Variants in SRSF1 observed in about 807,000 individuals in gnomAD.
SRSF1 encodes the protein serine and arginine rich splicing factor 1.
SRSF1 carries 1 observed loss-of-function variant against 25.9 expected under a neutral mutation model. The ratio of observed to expected loss-of-function variants is 0.04; its 90% CI spans 0.01 to 0.18. The LOEUF (loss-of-function observed/expected upper bound fraction) is 0.18. Among genes scored for constraint, SRSF1 ranks in the 10% least tolerant of loss-of-function variants. SRSF1 has a pLI of 1.00. For synonymous variants in SRSF1, 132 were observed against 126.2 expected (o/e 1.05, Z -0.31); for missense variants, 65 against 350.5 (o/e 0.19, Z 6.50).
the SRSF1 span, among the ~76,000 whole-genome samples, chr17:57,995,734 GA>G: frequency 6.6e-6 from 1 of 151,798 alleles, no homozygotes; most frequent in African/African-American, 2.4e-5. Context: ...AGTAAAACAA[GA>G]ATTTCTCACC....
the SRSF1 span, chr17:57,989,605 C>G: frequency 2.5e-6 from 1 of 398,520 alleles, no homozygotes. Context: ...TTTCCATCCA[C>G]TAGACAAGAA....
chr17:57,995,402 G>C, the SRSF1 span, among the ~76,000 whole-genome samples: 1 of 152,152 alleles, frequency 6.6e-6, no homozygotes, highest in Non-Finnish European at 1.5e-5. Context: ...TCCTCCTGTG[G>C]GGCCAGCCTC....
At chr17:58,006,261 AATT>A in intron 2 of SRSF1, 79 bp downstream of exon 2, 1 of 1,488,510 alleles carries the variant, frequency 6.7e-7, no homozygotes, top group South Asian at 1.3e-5. Context: ...AAAAATTTGC[AATT>A]ATTAAACCTG....
At chr17:58,006,125 A>T in intron 2 of SRSF1, 152 bp from the exon 3 acceptor site, 1 of 972,034 alleles carries the variant, frequency 1.0e-6, no homozygotes, top group Non-Finnish European at 1.5e-6. Flanking sequence ...TCTGGAATCC[A>T]GAGTCCAAAA....
chr17:58,006,637 C>T (rs1339436078), intron 1 of SRSF1, 110 bp from the exon 2 acceptor site: 36 of 1,281,528 alleles, frequency 2.8e-5, no homozygotes, highest in Non-Finnish European at 3.7e-5. Flanking sequence ...GAAGAGCCCA[C>T]ATGCGCCGCA....
At position 58,004,295 on chromosome 17, in the gene SRSF1, T is replaced by C. The variant is rs1299212024; in HGVS notation, c.*1111A>G. 6.6e-6 allele frequency: 1 copy of C among 152,662 alleles called. No individual in the cohort carries two copies. Among genetic ancestry groups the C allele is most frequent in the African/African-American group, 2.4e-5 (1 of 41,460 alleles). The allele number at this position is 152,662 out of a possible 1,614,324, so 9.5% of individuals were successfully genotyped here. On this transcript the variant is annotated 3_prime_UTR_variant, in exon 4 of 4. Coordinates refer to ENST00000258962, the MANE Select transcript of SRSF1 (RefSeq NM_006924.5). ...CGTGGTTGCAAGAAGTTACGTAATTTAAGTTTACTGGCATTGCTACCCACC... is the reference window on the plus strand; with the variant it reads ...CGTGGTTGCAAGAAGTTACGTAATTCAAGTTTACTGGCATTGCTACCCACC...
the SRSF1 span, chr17:57,994,205 T>G: frequency 3.3e-5 from 5 of 152,254 alleles, no homozygotes; most frequent in African/African-American, 1.2e-4. Context: ...TGATAACTTT[T>G]ACTACTACAG....
At chr17:57,998,710 T>C (rs959107510), downstream of SRSF1, among the ~76,000 whole-genome samples, 1 of 152,228 alleles carries the variant, frequency 6.6e-6, no homozygotes, top group Non-Finnish European at 1.5e-5. Context: ...TTCTGTAGCT[T>C]TCCTTGCTAC....
At chr17:57,994,986 T>G in the SRSF1 span, 1 of 152,218 alleles carries the variant, frequency 6.6e-6, no homozygotes, top group South Asian at 2.1e-4. Context: ...TACAGACATT[T>G]GTACAAAGTG....
At position 58,007,078 on chromosome 17, in the gene SRSF1, C is replaced by T. The variant is rs542955307; in HGVS notation, c.60G>A (p.Val20=). 2 of 1,614,210 alleles carry T rather than the reference C, an allele frequency of 1.2e-6. No homozygotes were observed. The highest frequency in any genetic ancestry group is 1.1e-5 in the South Asian group (1 of 91,088). ...PAGNNDCRIY[V]GNLPPDIRTK... Reference sequence around the variant, plus strand: ...TTCGGATGTCTGGAGGTAAGTTACCCACGTAGATGCGGCAATCGTTGTTCC... The same window carrying T: ...TTCGGATGTCTGGAGGTAAGTTACCTACGTAGATGCGGCAATCGTTGTTCC... Residue 20 remains valine, a synonymous_variant, in exon 1 of 4, where the codon GTG becomes GTA. Coordinates refer to ENST00000258962, the MANE Select transcript of SRSF1 (RefSeq NM_006924.5).
At chr17:57,995,805 A>G in the SRSF1 span, among the ~76,000 whole-genome samples, 2 of 152,230 alleles carry the variant, frequency 1.3e-5, no homozygotes. Context: ...CTATTTCTTC[A>G]AACTGCAAAA....
At chr17:58,006,678 A>C in intron 1 of SRSF1, 151 bp from the exon 2 acceptor site, 4 of 997,568 alleles carry the variant, frequency 4.0e-6, no homozygotes, top group Non-Finnish European at 5.7e-6. Context: ...CCACCCAGAA[A>C]CACGCCAGGC....
the SRSF1 span, chr17:57,990,567 A>AT: frequency 6.6e-6 from 1 of 152,192 alleles, no homozygotes; most frequent in Non-Finnish European, 1.5e-5. Flanking sequence ...AGAAGGGGCT[A>AT]TTTCTACTTT....
Position 58,002,690 on chromosome 17 carries a change from C to G in SRSF1, c.*2716G>C, listed in dbSNP as rs1238584815. Among the ~76,000 whole-genome samples the G allele has an allele frequency of 6.6e-6, 1 of 152,158 alleles. No individual in the cohort carries two copies. The highest frequency in any genetic ancestry group is 2.4e-5 in the African/African-American group (1 of 41,438). Reference sequence around the variant, plus strand: ...AGCAGTTAATCTTGTGCACTCTTCCCTTTCAAAAAAGAAATGAGACTTGGG... The same window carrying G: ...AGCAGTTAATCTTGTGCACTCTTCCGTTTCAAAAAAGAAATGAGACTTGGG... On this transcript the variant is annotated 3_prime_UTR_variant, in exon 4 of 4. Transcript: ENST00000258962.
Position 58,001,128 on chromosome 17 carries a change from A to G in SRSF1, c.*4278T>C, listed in dbSNP as rs904356285. Among the ~76,000 whole-genome samples the G allele has an allele frequency of 2.0e-5, 3 of 152,218 alleles. No individual in the cohort carries two copies. Among genetic ancestry groups the G allele is most frequent in the African/African-American group, 4.8e-5 (2 of 41,464 alleles). On this transcript the variant is annotated 3_prime_UTR_variant, in exon 4 of 4. Transcript: ENST00000258962. ...TACTATTTATGGTAAATACATATAT[A>G]TAACTTACTTGCAATTTAAATTACA... is the stretch of plus-strand genomic sequence containing the variant.
downstream of SRSF1, among the ~76,000 whole-genome samples, chr17:58,000,682 C>A (rs2075383556): frequency 6.6e-6 from 1 of 152,086 alleles, no homozygotes; most frequent in Non-Finnish European, 1.5e-5. Flanking sequence ...AGTCAAGACA[C>A]CCCAGTTACA....
At position 58,005,766 on chromosome 17, in the gene SRSF1, T is replaced by C. The variant is rs2075422793; in HGVS notation, c.552+35A>G. ...CCACTGTTAAGACCACTGTATCCAA[T>C]TCTGGTCAAAGAAAAGAATACGTGT... On this transcript the variant is annotated intron_variant, in intron 3 of 3. Transcript: ENST00000258962. The surrounding 1 kb of genome is among the most constrained non-coding windows in gnomAD (Gnocchi z 5.2). 6.2e-7 allele frequency: 1 copy of C among 1,614,178 alleles called. No individual in the cohort carries two copies. The highest frequency in any genetic ancestry group is 8.5e-7 in the Non-Finnish European group (1 of 1,180,024).
the SRSF1 span, chr17:57,991,179 G>A: frequency 6.6e-6 from 1 of 152,120 alleles, no homozygotes; most frequent in Admixed American, 6.5e-5. Flanking sequence ...CGGGCAAAGG[G>A]CTAATGACAC....
Position 58,004,014 on chromosome 17 carries a change from CA to C in SRSF1, c.*1391del, listed in dbSNP as rs1360144707. The C allele has an allele frequency of 6.6e-6, 1 of 152,354 alleles. No individual in the cohort carries two copies. Among genetic ancestry groups the C allele is most frequent in the Non-Finnish European group, 1.5e-5 (1 of 67,988 alleles). 9.4% of individuals were successfully genotyped at this position (152,354 alleles called of 1,614,324 possible). On this transcript the variant is annotated 3_prime_UTR_variant, in exon 4 of 4. Transcript: ENST00000258962. ...CTCCAATCCAAACCTTTATAACCAG[CA>C]AAACCAAAAAAGAGGAGGCAAAATG...
Sources: gnomAD v4.1 joint callset for allele counts (sites outside exome capture counted in the v4.1 genomes callset) on GRCh38, gnomAD v4.1.1 for gene constraint, Gnocchi (gnomAD v3.1) non-coding constraint, MANE v1.5 for transcripts, NCBI Gene and HGNC (gene_info 2026-07-23, HGNC 2026-07-21) for gene names.